Variants in DSCAML1 observed in about 807,000 individuals in gnomAD.
DSCAML1 encodes DS cell adhesion molecule like 1, also known as cell adhesion molecule DSCAML1.
A neutral mutation model predicts 200.5 loss-of-function variants in DSCAML1; 38 were observed. The observed-to-expected ratio is 0.19, with a 90% CI of 0.15 to 0.25. The LOEUF (loss-of-function observed/expected upper bound fraction) is 0.25, where lower values mean the gene tolerates loss of function less well. Among genes scored for constraint, DSCAML1 ranks in the 10% least tolerant of loss-of-function variants. DSCAML1 has a pLI of 1.00. For synonymous variants in DSCAML1, 1,215 were observed against 1,165.0 expected, an observed-to-expected ratio of 1.04 and a Z score of -0.87; for missense variants, 2,223 against 2,858.8, an observed-to-expected ratio of 0.78 and a Z score of 5.07.
intron 3 of DSCAML1, among the ~76,000 whole-genome samples, chr11:117,636,092 T>C (rs1006511744): frequency 2.6e-5 from 4 of 152,180 alleles, no homozygotes; most frequent in African/African-American, 4.8e-5. Flanking sequence ...CTGTGCTCCT[T>C]GAAGCCAGGG....
intron 21 of DSCAML1, among the ~76,000 whole-genome samples, chr11:117,442,601 G>A (rs544770686): frequency 2.0e-5 from 3 of 152,212 alleles, no homozygotes; most frequent in Admixed American, 1.3e-4. Flanking sequence ...GTGTGAATGT[G>A]TTCTAGGAAG....
chr11:117,636,658 G>A (rs1423209342), intron 3 of DSCAML1, among the ~76,000 whole-genome samples: 1 of 152,174 alleles, frequency 6.6e-6, no homozygotes, highest in African/African-American at 2.4e-5. Flanking sequence ...AGCACTGCTG[G>A]CAAGAAACCT....
chr11:117,580,601 T>C (rs537997), intron 3 of DSCAML1, among the ~76,000 whole-genome samples: 107,787 of 151,668 alleles, frequency 0.71, 39,555 homozygotes, highest in Non-Finnish European at 0.8. Context: ...TTAATGATCG[T>C]TAATAGTTCT....
chr11:117,522,273 C>T lies in DSCAML1; in HGVS notation c.938-868G>A, dbSNP rs940349851. Among the ~76,000 whole-genome samples, 4 of 152,244 alleles carry T rather than the reference C, an allele frequency of 2.6e-5. 1 individual carries two copies. The highest frequency in any genetic ancestry group is 9.6e-5 in the African/African-American group (4 of 41,468). ...GCTAAGGATCCCTCCTCTAGCCCCG[C>T]TGTGTATAACTCACACCACACTGAG... On this transcript the variant is annotated intron_variant, in intron 5 of 32. Transcript: ENST00000651296.
At chr11:117,640,232 C>T (rs972376088) in intron 3 of DSCAML1, among the ~76,000 whole-genome samples, 1 of 152,162 alleles carries the variant, frequency 6.6e-6, no homozygotes. Context: ...ACCCGCCCCA[C>T]AGCCCTCTCA....
chr11:117,662,888 T>G (rs2052884406), intron 3 of DSCAML1, among the ~76,000 whole-genome samples: 1 of 152,194 alleles, frequency 6.6e-6, no homozygotes, highest in Non-Finnish European at 1.5e-5. Context: ...TTTAACAAGC[T>G]CCCCAGATGA....
At chr11:117,808,116 G>A (rs957104705) in intron 1 of DSCAML1, among the ~76,000 whole-genome samples, 1 of 152,136 alleles carries the variant, frequency 6.6e-6, no homozygotes, top group Admixed American at 6.5e-5. Flanking sequence ...TACCGCGCCC[G>A]GCCTGCAGTT....
At chr11:117,486,420 T>G (rs117890210) in intron 11 of DSCAML1, among the ~76,000 whole-genome samples, 19,462 of 148,390 alleles carry the variant, frequency 0.13, 1,556 homozygotes, top group South Asian at 0.28. Flanking sequence ...GTGGCGGATG[T>G]GAAAATGGCG....
At chr11:117,432,647 C>G in intron 29 of DSCAML1, 143 bp from the exon 30 acceptor site, 2 of 940,054 alleles carry the variant, frequency 2.1e-6, no homozygotes, top group Non-Finnish European at 3.1e-6. Flanking sequence ...GACAGGGTCT[C>G]ACTCTGTTGC....
rs1299438608 is a variant in DSCAML1, at chr11:117,439,294, G to T, written c.4116C>A (p.Asp1372Glu). 6.2e-7 allele frequency: 1 copy of T among 1,614,108 alleles called. No individual in the cohort carries two copies. Among genetic ancestry groups the T allele is most frequent in the Non-Finnish European group, 8.5e-7 (1 of 1,179,990 alleles). ...TCTATNTGGF[D>E]TIIVNLLVQV... ...GCACCAGAAGGTTGACGATGATGGT[G>T]TCAAAGCCACCAGTGTTGGTGGCCG... Residue 1372 changes from aspartate to glutamate, a missense_variant, in exon 23 of 33, where the codon GAC (aspartate) becomes GAA (glutamate). Transcript: ENST00000651296.
intron 5 of DSCAML1, among the ~76,000 whole-genome samples, chr11:117,522,814 AAGCAT>A (rs2049907035): frequency 6.6e-6 from 1 of 152,080 alleles, no homozygotes; most frequent in Admixed American, 6.6e-5. Flanking sequence ...GGGGTATGGA[AAGCAT>A]TGCTTTCCTC....
At chr11:117,534,848 A>G (rs1311006510) in intron 3 of DSCAML1, among the ~76,000 whole-genome samples, 2 of 152,204 alleles carry the variant, frequency 1.3e-5, no homozygotes, top group Non-Finnish European at 2.9e-5. Context: ...CTGGATGCAA[A>G]GGATCCTTCT....
At chr11:117,683,302 C>T (rs746257042) in intron 3 of DSCAML1, among the ~76,000 whole-genome samples, 2 of 152,182 alleles carry the variant, frequency 1.3e-5, no homozygotes, top group African/African-American at 2.4e-5. Flanking sequence ...GGTCCCAGGA[C>T]GTCCCAGCCT....
At chr11:117,628,287 C>T (rs1342792904) in intron 3 of DSCAML1, among the ~76,000 whole-genome samples, 2 of 152,158 alleles carry the variant, frequency 1.3e-5, no homozygotes, top group Non-Finnish European at 2.9e-5. Flanking sequence ...CCCTCCAACA[C>T]AACCAAGGCA....
chr11:117,817,166 G>C (rs1010283449), intron 1 of DSCAML1, among the ~76,000 whole-genome samples: 1 of 152,210 alleles, frequency 6.6e-6, no homozygotes, highest in African/African-American at 2.4e-5. Flanking sequence ...GTTCATGGGT[G>C]CTGTGAGGAA....
intron 3 of DSCAML1, among the ~76,000 whole-genome samples, chr11:117,674,018 C>T (rs1199924222): frequency 6.6e-6 from 1 of 152,234 alleles, no homozygotes; most frequent in Non-Finnish European, 1.5e-5. Flanking sequence ...TTTCTCGAGG[C>T]TCATTCCTGT....
At position 117,668,823 on chromosome 11, in the gene DSCAML1, G is replaced by C. The variant is rs551350575; in HGVS notation, c.511+107968C>G. 3.3e-5 allele frequency: 5 copies of C among 152,326 alleles called. 1 individual carries two copies. The South Asian group carries it at 1.0e-3, about 32-fold the overall frequency. 9.4% of individuals were successfully genotyped at this position (152,326 alleles called of 1,614,324 possible). The stretch of plus-strand genomic sequence containing the variant: ...CAATAGCCAACTTGCCTAAAACTCT[G>C]ATGCTGGAGTTAATAAAAAGAAATG... On this transcript the variant is annotated intron_variant, in intron 3 of 32. Coordinates refer to ENST00000651296, the MANE Select transcript of DSCAML1 (RefSeq NM_020693.4).
rs1381874329 is a variant in DSCAML1, at chr11:117,504,062, G to A, written c.2183-41C>T. 1.9e-6 allele frequency: 3 copies of A among 1,603,516 alleles called. No homozygotes were observed. The Admixed American group carries it at 5.0e-5, about 27-fold the overall frequency. ...TGTTAGGAGGGCTGAGTCTGCACTG[G>A]GGCATAAGCTGAGAGTGCCCCAGGA... On this transcript the variant is annotated intron_variant, in intron 10 of 32. Transcript: ENST00000651296. This position sits in a 1 kb window ranked among gnomAD's most constrained non-coding sequence, Gnocchi z 5.0.
upstream of DSCAML1, chr11:117,801,579 CTA>C (rs949859272): frequency 1.3e-5 from 2 of 152,166 alleles, no homozygotes; most frequent in Admixed American, 6.5e-5. Flanking sequence ...ACTGTGATGC[CTA>C]TATATAAAAA....
Sources: allele counts gnomAD v4.1 joint callset (sites outside exome capture counted in the v4.1 genomes callset), GRCh38; gene constraint gnomAD v4.1.1; non-coding constraint Gnocchi (gnomAD v3.1); transcripts MANE v1.5; gene names NCBI Gene and HGNC (gene_info 2026-07-23, HGNC 2026-07-21).